The following THSD7B variants were observed in gnomAD, a reference collection of about 807,000 sequenced individuals.
The protein encoded by THSD7B is thrombospondin type-1 domain-containing protein 7B.
Under a neutral mutation model 213.6 loss-of-function variants are expected in THSD7B, and 138 were observed. The observed-to-expected ratio is 0.65, with a 90% CI of 0.56 to 0.74. The LOEUF is 0.74. Among genes scored for constraint, THSD7B ranks in the 30% least tolerant of loss-of-function variants. The pLI, the probability that THSD7B is intolerant of heterozygous loss-of-function variation, is 0.00. For missense variants in THSD7B, 1,931 were observed against 1,991.5 expected (o/e 0.97, Z 0.58); for synonymous variants, 742 against 687.0 (o/e 1.08, Z -1.25).
chr2:137,453,596 T>A lies in THSD7B; in HGVS notation c.3138+2573T>A, dbSNP rs190648014. Among the ~76,000 whole-genome samples, 7 of 152,272 alleles carry A rather than the reference T, an allele frequency of 4.6e-5. No individual in the cohort carries two copies. In the East Asian group the frequency reaches 1.4e-3, roughly 29 times the overall value. ...TGCCCGCCTCGGCCTCCCAAAGTGC[T>A]GGGATTACAGGCGTGAGCTACTGCA... is the stretch of plus-strand genomic sequence containing the variant. On this transcript the variant is annotated intron_variant, in intron 15 of 27. Coordinates refer to ENST00000409968, the MANE Select transcript of THSD7B (RefSeq NM_001316349.2).
At chr2:137,111,660 G>T (rs182880056) in intron 4 of THSD7B, among the ~76,000 whole-genome samples, 2 of 152,146 alleles carry the variant, frequency 1.3e-5, no homozygotes, top group Non-Finnish European at 2.9e-5. Context: ...ACTGTTATTT[G>T]TACTACTTGG....
chr2:137,674,382 T>C (rs1683649456), intron 27 of THSD7B, among the ~76,000 whole-genome samples: 1 of 152,168 alleles, frequency 6.6e-6, no homozygotes, highest in Non-Finnish European at 1.5e-5. Context: ...CCTTGTACTC[T>C]TTTTTGCCAT....
chr2:137,017,826 A>C (rs1362651005), intron 2 of THSD7B, among the ~76,000 whole-genome samples: 1 of 152,182 alleles, frequency 6.6e-6, no homozygotes, highest in Admixed American at 6.5e-5. Flanking sequence ...CATCAAAAAA[A>C]AATAATATCC....
chr2:137,425,074 A>T (rs868789395), intron 14 of THSD7B, among the ~76,000 whole-genome samples: 10 of 77,884 alleles, frequency 1.3e-4, no homozygotes, highest in Admixed American at 3.7e-4. Context: ...TCTGTCTCAA[A>T]AATAATAATA....
intron 5 of THSD7B, among the ~76,000 whole-genome samples, chr2:137,152,986 G>A (rs1434447711): frequency 6.6e-6 from 1 of 152,134 alleles, no homozygotes; most frequent in Non-Finnish European, 1.5e-5. Context: ...ATGTCATTTA[G>A]ATCAGCTCTT....
intron 15 of THSD7B, among the ~76,000 whole-genome samples, chr2:137,551,077 G>A (rs1338251133): frequency 2.0e-5 from 3 of 151,342 alleles, no homozygotes; most frequent in South Asian, 4.2e-4. Context: ...AATATATAAA[G>A]ATACAAGCTG....
chr2:137,126,720 T>C (rs1284621578), intron 5 of THSD7B, among the ~76,000 whole-genome samples: 1 of 152,236 alleles, frequency 6.6e-6, no homozygotes. Flanking sequence ...CACAGAGGCC[T>C]TGCTTTCAGC....
chr2:136,780,205 C>T (rs563343499), intron 1 of THSD7B, among the ~76,000 whole-genome samples: 23 of 152,258 alleles, frequency 1.5e-4, no homozygotes, highest in African/African-American at 5.5e-4. Flanking sequence ...TGGCAAGTTC[C>T]TTTGGTTCCA....
Position 137,524,248 on chromosome 2 carries a change from C to T in THSD7B, c.3139-38973C>T, listed in dbSNP as rs574468447. Among the ~76,000 whole-genome samples the T allele has an allele frequency of 1.2e-4, 18 of 152,004 alleles. No homozygotes were observed. In the South Asian group the frequency reaches 3.5e-3, roughly 30 times the overall value. ...TCAAGTTTGCTTGGGGAGGCTTTGC[C>T]GTTAGCCTCCCCAAGCAAAGAGCTA... On this transcript the variant is annotated intron_variant, in intron 15 of 27. Coordinates refer to ENST00000409968, the MANE Select transcript of THSD7B (RefSeq NM_001316349.2).
chr2:137,619,878 G>A (rs1303718535), intron 19 of THSD7B, among the ~76,000 whole-genome samples: 1 of 152,118 alleles, frequency 6.6e-6, no homozygotes, highest in Admixed American at 6.5e-5. Flanking sequence ...ATTAATATTA[G>A]CTTGGTAAGG....
intron 4 of THSD7B, among the ~76,000 whole-genome samples, chr2:137,112,329 C>G (rs1466157857): frequency 6.6e-6 from 1 of 151,018 alleles, no homozygotes; most frequent in Non-Finnish European, 1.5e-5. Flanking sequence ...TTTTTCCTCT[C>G]CCTCTTGCTA....
chr2:137,487,374 C>CAAAAAAAAAAA (rs35759254), intron 15 of THSD7B, among the ~76,000 whole-genome samples: 1 of 33,166 alleles, frequency 3.0e-5, no homozygotes, highest in Non-Finnish European at 4.8e-5. Context: ...GACTCCGTCT[C>CAAAAAAAAAAA]AAAAAAAAAA....
intron 4 of THSD7B, among the ~76,000 whole-genome samples, chr2:137,106,750 C>T (rs1449153690): frequency 6.6e-6 from 1 of 152,158 alleles, no homozygotes; most frequent in Non-Finnish European, 1.5e-5. Context: ...AGACATTTCT[C>T]AAAAGAAGAC....
rs572132774 is a variant in THSD7B, at chr2:137,430,273, A to G, written c.2959+18401A>G. 2.6e-5 allele frequency among the ~76,000 whole-genome samples: 4 copies of G among 152,294 alleles called. No homozygotes were observed. In the South Asian group the frequency reaches 8.3e-4, roughly 32 times the overall value. On this transcript the variant is annotated intron_variant, in intron 14 of 27. Transcript: ENST00000409968. Reference sequence around the variant, plus strand: ...AAAAAAATTTATTTTAATTTAAAATATTACTTAAGTGAATATCAATATAAA... The same window carrying G: ...AAAAAAATTTATTTTAATTTAAAATGTTACTTAAGTGAATATCAATATAAA...
chr2:137,141,969 A>G (rs1679597086), intron 5 of THSD7B, among the ~76,000 whole-genome samples: 1 of 152,152 alleles, frequency 6.6e-6, no homozygotes, highest in African/African-American at 2.4e-5. Flanking sequence ...ATTACTAAAA[A>G]CTTCCCACAT....
chr2:137,034,958 A>C (rs1489984332), intron 2 of THSD7B, among the ~76,000 whole-genome samples: 1 of 152,294 alleles, frequency 6.6e-6, no homozygotes, highest in Admixed American at 6.5e-5. Context: ...CATACCCAGT[A>C]ATGGGATTAC....
chr2:137,180,093 G>A (rs1680426647), intron 7 of THSD7B, among the ~76,000 whole-genome samples: 1 of 152,134 alleles, frequency 6.6e-6, no homozygotes, highest in Admixed American at 6.6e-5. Context: ...TGAGAAGAGG[G>A]ACTTGAACAA....
At chr2:137,459,166 A>G (rs1041796282) in intron 15 of THSD7B, among the ~76,000 whole-genome samples, 2 of 152,126 alleles carry the variant, frequency 1.3e-5, no homozygotes, top group Non-Finnish European at 2.9e-5. Context: ...CTTTTAAAAA[A>G]AAAATCTAAA....
intron 6 of THSD7B, among the ~76,000 whole-genome samples, chr2:137,161,939 T>C (rs1345368828): frequency 1.3e-5 from 2 of 152,190 alleles, no homozygotes; most frequent in South Asian, 2.1e-4. Flanking sequence ...CCAAGGCTCC[T>C]CCAGTCACTG....
Sources: allele counts gnomAD v4.1 joint callset (sites outside exome capture counted in the v4.1 genomes callset), GRCh38; gene constraint gnomAD v4.1.1; transcripts MANE v1.5; gene names NCBI Gene and HGNC (gene_info 2026-07-23, HGNC 2026-07-21).